Variants in NRP2 observed in about 807,000 individuals in gnomAD.
NRP2 encodes neuropilin-2.
NRP2 carries 52 observed loss-of-function variants against 110.4 expected under a neutral mutation model. That is an observed-to-expected ratio of 0.47 (90% confidence interval 0.38 to 0.59). The LOEUF (loss-of-function observed/expected upper bound fraction) is 0.59. Ranked by LOEUF, NRP2 falls within the 20% of genes least tolerant of loss-of-function variation. The probability of loss-of-function intolerance (pLI) is 0.00; values close to 1 mark genes in which losing one functional copy is unlikely to be tolerated. For missense variants in NRP2, 1,049 were observed against 1,203.0 expected (o/e 0.87, Z 1.89); for synonymous variants, 508 against 468.9 (o/e 1.08, Z -1.08).
chr2:205,775,900 T>C (rs2058089470), intron 15 of NRP2, among the ~76,000 whole-genome samples: 2 of 152,190 alleles, frequency 1.3e-5, no homozygotes, highest in African/African-American at 2.4e-5. Context: ...AAAGTGATTG[T>C]GGTTGAACAG....
At chr2:205,754,087 G>A (rs1244029112) in intron 12 of NRP2, among the ~76,000 whole-genome samples, 1 of 152,202 alleles carries the variant, frequency 6.6e-6, no homozygotes, top group Non-Finnish European at 1.5e-5. Context: ...GTACACCTTG[G>A]ATCTAGCACA....
At chr2:205,770,768 C>A (rs1014792761) in intron 15 of NRP2, among the ~76,000 whole-genome samples, 2 of 152,192 alleles carry the variant, frequency 1.3e-5, no homozygotes, top group African/African-American at 4.8e-5. Context: ...CTCCTTGCCC[C>A]CACCCCCTTA....
At chr2:205,743,585 C>T (rs1054011037) in intron 9 of NRP2, 33 bp downstream of exon 9, 1 of 1,610,702 alleles carries the variant, frequency 6.2e-7, no homozygotes, top group Non-Finnish European at 8.5e-7. Context: ...TGTAACGTTA[C>T]CCTCAACAGG....
In NRP2 at chr2:205,716,046, G is replaced by A. The variant is rs111539517; in HGVS notation, c.252-147G>A. 35 of 860,958 alleles carry A rather than the reference G, an allele frequency of 4.1e-5. 3 individuals are homozygous for A. The highest frequency in any genetic ancestry group is 1.8e-4 in the African/African-American group (11 of 60,976). The allele number at this position is 860,958 out of a possible 1,614,324, so 53.3% of individuals were successfully genotyped here. A position where few individuals can be genotyped will look rare whatever the true frequency, so the allele number is the denominator to read the frequency against. The stretch of plus-strand genomic sequence containing the variant: ...CTGCAGTATCTCTGTTTGCCAGTCT[G>A]TACAAGCAGACATAAGTGCCCTTCG... On this transcript the variant is annotated intron_variant, in intron 2 of 16. Transcript: ENST00000357785.
chr2:205,727,304 A>T (rs1190480219), intron 6 of NRP2, among the ~76,000 whole-genome samples: 1 of 152,206 alleles, frequency 6.6e-6, no homozygotes, highest in East Asian at 1.9e-4. Flanking sequence ...AGTACCTTAA[A>T]ATGTTGGCCA....
intron 7 of NRP2, among the ~76,000 whole-genome samples, chr2:205,733,995 C>G (rs2057293380): frequency 6.6e-6 from 1 of 152,104 alleles, no homozygotes; most frequent in Admixed American, 6.6e-5. Context: ...CAGAACGCAG[C>G]CGCCCCTGTG....
intron 7 of NRP2, among the ~76,000 whole-genome samples, chr2:205,740,292 A>G (rs576489837): frequency 6.6e-5 from 10 of 152,190 alleles, no homozygotes; most frequent in Non-Finnish European, 1.3e-4. Context: ...CCTTCCCTCT[A>G]AAAGTTTCTG....
Position 205,682,502 on chromosome 2 carries a change from G to A in NRP2, c.-789G>A, listed in dbSNP as rs1433332631. 6.5e-6 allele frequency: 1 copy of A among 152,966 alleles called. No homozygotes were observed. The highest frequency in any genetic ancestry group is 1.5e-5 in the Non-Finnish European group (1 of 68,542). 9.5% of individuals were successfully genotyped at this position (152,966 alleles called of 1,614,324 possible). ...GCAGTGGGGAGCCGGAGGGGAGGCAGAGATCGCGAGCGAGGCACCAGCCTG... is the reference window on the plus strand; with the variant it reads ...GCAGTGGGGAGCCGGAGGGGAGGCAAAGATCGCGAGCGAGGCACCAGCCTG... On this transcript the variant is annotated 5_prime_UTR_variant, in exon 1 of 17. Transcript: ENST00000357785. This position sits in a 1 kb window ranked among gnomAD's most constrained non-coding sequence, Gnocchi z 4.3.
chr2:205,697,165 T>C (rs1272636397), intron 1 of NRP2, among the ~76,000 whole-genome samples: 1 of 151,540 alleles, frequency 6.6e-6, no homozygotes, highest in African/African-American at 2.4e-5. Context: ...AAGATAGAGA[T>C]AGGAGGTTGA....
rs759033861 is a variant in NRP2, at chr2:205,794,762, G to T, written c.2485G>T (p.Glu829Ter). ...GYEDEIDDEY[E>*]VDWSNSSSAT... ...AATTTTATGTATCGCAGATGAATAC[G>T]AGGTGGACTGGAGCAATTCTTCTTC... Residue 829 changes from glutamate to a stop codon, truncating the protein, a stop_gained, in exon 17 of 17, where the codon GAG becomes TAG. Coordinates refer to ENST00000357785, the MANE Select transcript of NRP2 (RefSeq NM_003872.3). LOFTEE classifies it high-confidence loss of function. The T allele has an allele frequency of 6.2e-7, 1 of 1,614,124 alleles. No individual in the cohort carries two copies. Among genetic ancestry groups the T allele is most frequent in the East Asian group, 2.2e-5 (1 of 44,874 alleles).
intron 2 of NRP2, 137 bp from the exon 3 acceptor site, chr2:205,716,056 A>T (rs2056887446): frequency 4.4e-6 from 4 of 906,384 alleles, no homozygotes; most frequent in Non-Finnish European, 7.3e-6. Context: ...GTACAAGCAG[A>T]CATAAGTGCC....
intron 3 of NRP2, among the ~76,000 whole-genome samples, chr2:205,721,768 C>T (rs1029737816): frequency 3.3e-5 from 5 of 152,230 alleles, no homozygotes; most frequent in African/African-American, 9.6e-5. Context: ...TGCACTGCTG[C>T]ATTTTTCCAA....
At chr2:205,770,826 A>G (rs1051151354) in intron 15 of NRP2, among the ~76,000 whole-genome samples, 1 of 152,124 alleles carries the variant, frequency 6.6e-6, no homozygotes, top group Non-Finnish European at 1.5e-5. Context: ...GCAAGAAAGC[A>G]TGGAGATCAG....
intron 15 of NRP2, chr2:205,767,013 A>G: frequency 1.6e-6 from 1 of 612,366 alleles, no homozygotes; most frequent in Non-Finnish European, 2.9e-6. Flanking sequence ...TTGTTTAATT[A>G]AAGTTTAGAA....
chr2:205,686,619 A>C lies in NRP2; in HGVS notation c.73+3256A>C, dbSNP rs960458949. On this transcript the variant is annotated intron_variant, in intron 1 of 16. Transcript: ENST00000357785. This position sits in a 1 kb window ranked among gnomAD's most constrained non-coding sequence, Gnocchi z 4.7. ...TAGCCCTAGTGTTTGGAGGTGGGGG[A>C]GGGATTTGGAATAGACTTGTCGCCC... Among the ~76,000 whole-genome samples, 3 of 151,722 alleles carry C rather than the reference A, an allele frequency of 2.0e-5. No homozygotes were observed. The East Asian group carries it at 5.8e-4, about 30-fold the overall frequency.
chr2:205,794,310 C>T (rs1289871440), intron 16 of NRP2, among the ~76,000 whole-genome samples: 1 of 152,078 alleles, frequency 6.6e-6, no homozygotes, highest in East Asian at 1.9e-4. Context: ...CGGGGTTTCA[C>T]CGTGTTAGCC....
At position 205,797,344 on chromosome 2, in the gene NRP2, G is replaced by T. The variant is rs2058359498; in HGVS notation, c.*2286G>T. 1 of 152,282 alleles carries T rather than the reference G, an allele frequency of 6.6e-6. No individual in the cohort carries two copies. The highest frequency in any genetic ancestry group is 6.5e-5 in the Admixed American group (1 of 15,282). The allele number at this position is 152,282 out of a possible 1,614,324, so 9.4% of individuals were successfully genotyped here. On this transcript the variant is annotated 3_prime_UTR_variant, in exon 17 of 17. Coordinates refer to ENST00000357785, the MANE Select transcript of NRP2 (RefSeq NM_003872.3). Reference sequence around the variant, plus strand: ...TAAGTCCTAGGGATTTCCAGAAGTAGCCTGCAGAAGAAGGTAAGTTTGAAA... The same window carrying T: ...TAAGTCCTAGGGATTTCCAGAAGTATCCTGCAGAAGAAGGTAAGTTTGAAA...
In NRP2 at chr2:205,788,448, G is replaced by C. The variant is rs2105970083; in HGVS notation, c.2426-3787G>C. 2.0e-5 allele frequency among the ~76,000 whole-genome samples: 3 copies of C among 152,304 alleles called. No homozygotes were observed. In the South Asian group the frequency reaches 6.2e-4, roughly 32 times the overall value. ...AAGGCAGAGGTCTGACTCTCACATAGATATATGCAAGGTGGAAGATTTGTG... is the reference window on the plus strand; with the variant it reads ...AAGGCAGAGGTCTGACTCTCACATACATATATGCAAGGTGGAAGATTTGTG... On this transcript the variant is annotated intron_variant, in intron 15 of 16. Coordinates refer to ENST00000357785, the MANE Select transcript of NRP2 (RefSeq NM_003872.3).
rs369024692 is a variant in NRP2, at chr2:205,720,108, G to A, written c.434-2370G>A. Reference sequence around the variant, plus strand: ...TTTGTGATGCTGCAAACAGTGAGATGGTACGATTAGAGATGAATGCATGAT... The same window carrying A: ...TTTGTGATGCTGCAAACAGTGAGATAGTACGATTAGAGATGAATGCATGAT... On this transcript the variant is annotated intron_variant, in intron 3 of 16. Transcript: ENST00000357785. 4.6e-5 allele frequency among the ~76,000 whole-genome samples: 7 copies of A among 152,132 alleles called. No homozygotes were observed. The East Asian group carries it at 1.4e-3, about 29-fold the overall frequency.
Sources: allele counts gnomAD v4.1 joint callset (sites outside exome capture counted in the v4.1 genomes callset), GRCh38; gene constraint gnomAD v4.1.1; non-coding constraint Gnocchi (gnomAD v3.1); transcripts MANE v1.5; gene names NCBI Gene and HGNC (gene_info 2026-07-23, HGNC 2026-07-21).